The following RAB35 variants were observed in gnomAD, a reference collection of about 807,000 sequenced individuals.
RAB35 encodes ras-related protein Rab-35.
In RAB35, 4 loss-of-function variants were observed where a neutral mutation model predicts 28.9. The ratio of observed to expected loss-of-function variants is 0.14; its 90% CI spans 0.07 to 0.32. The LOEUF is 0.32. Among genes scored for constraint, RAB35 ranks in the 10% least tolerant of loss-of-function variants. The pLI, the probability that RAB35 is intolerant of heterozygous loss-of-function variation, is 1.00. For synonymous variants in RAB35, 99 were observed against 105.1 expected (o/e 0.94, Z 0.35); for missense variants, 128 against 274.0 (o/e 0.47, Z 3.76).
rs566783816 is a variant in RAB35, at chr12:120,116,663, C to T, written c.-13G>A. Reference sequence around the variant, plus strand: ...AGTCCCGGGCCATGGCGGGCGGGGGCGGTGCGCGCGGGCGGGCGGGGTCGG... The same window carrying T: ...AGTCCCGGGCCATGGCGGGCGGGGGTGGTGCGCGCGGGCGGGCGGGGTCGG... On this transcript the variant is annotated 5_prime_UTR_variant, in exon 1 of 6. Transcript: ENST00000229340. The T allele has an allele frequency of 1.2e-3, 1,466 of 1,222,770 alleles. 19 individuals are homozygous for T. The African/African-American group carries it at 0.021, about 18-fold the overall frequency. The allele number at this position is 1,222,770 out of a possible 1,614,324, so 75.7% of individuals were successfully genotyped here.
In RAB35 at chr12:120,096,896, A is replaced by C; in HGVS notation, c.*349T>G. ...GGAGGGTCTGTTGCAGCAGGCTGGC[A>C]TCAAGAAGGCAAAAGCCAGAGCAGG... is the stretch of plus-strand genomic sequence containing the variant. On this transcript the variant is annotated 3_prime_UTR_variant, in exon 6 of 6. Transcript: ENST00000229340. 1.5e-6 allele frequency: 2 copies of C among 1,317,600 alleles called. No homozygotes were observed. Among genetic ancestry groups the C allele is most frequent in the South Asian group, 1.2e-5 (1 of 81,290 alleles). The allele number at this position is 1,317,600 out of a possible 1,614,324, so 81.6% of individuals were successfully genotyped here.
rs1054123162 is a variant in RAB35, at chr12:120,101,975, G to A, written c.227+1851C>T. Reference sequence around the variant, plus strand: ...AGCCTCGGACCCCCCAGGCCCCACTGCCCTGCCCAGGAGTTCATTCCTCAT... The same window carrying A: ...AGCCTCGGACCCCCCAGGCCCCACTACCCTGCCCAGGAGTTCATTCCTCAT... On this transcript the variant is annotated intron_variant, in intron 3 of 5. Transcript: ENST00000229340. 2.0e-5 allele frequency among the ~76,000 whole-genome samples: 3 copies of A among 152,340 alleles called. No homozygotes were observed. The East Asian group carries it at 5.8e-4, about 29-fold the overall frequency.
At position 120,098,883 on chromosome 12, in the gene RAB35, G is replaced by C; in HGVS notation, c.405C>G (p.Ala135=). 1.2e-6 allele frequency: 2 copies of C among 1,614,206 alleles called. No individual in the cohort carries two copies. Among genetic ancestry groups the C allele is most frequent in the Non-Finnish European group, 1.7e-6 (2 of 1,180,040 alleles). ...PERKVVETED[A]YKFAGQMGIQ... ...TGCCCATCTGCCCGGCGAATTTGTA[G>C]GCATCTTCCGTCTCCACCACCTTCC... The change falls in exon 5 of 6, where the codon GCC becomes GCG. Residue 135 remains alanine, a synonymous_variant. Coordinates refer to ENST00000229340, the MANE Select transcript of RAB35 (RefSeq NM_006861.7).
At chr12:120,114,381 C>A (rs1876245167) in intron 1 of RAB35, among the ~76,000 whole-genome samples, 1 of 152,258 alleles carries the variant, frequency 6.6e-6, no homozygotes, top group Non-Finnish European at 1.5e-5. Flanking sequence ...GCGTGAGCCA[C>A]CGCGCCCGGC....
intron 2 of RAB35, among the ~76,000 whole-genome samples, chr12:120,104,784 C>G (rs573326600): frequency 6.6e-6 from 1 of 152,250 alleles, no homozygotes; most frequent in East Asian, 1.9e-4. Flanking sequence ...CAGGCATGCG[C>G]CACCACGCCC....
Position 120,095,441 on chromosome 12 carries a change from G to T in RAB35, c.*1804C>A. On this transcript the variant is annotated 3_prime_UTR_variant, in exon 6 of 6. Transcript: ENST00000229340. ...TGAATTTGCAAGCACACCCTCGCTG[G>T]CCTCGCCTGATCGCTCAGAGGCCAG... 1 of 152,440 alleles carries T rather than the reference G, an allele frequency of 6.6e-6. No individual in the cohort carries two copies. The highest frequency in any genetic ancestry group is 1.5e-5 in the Non-Finnish European group (1 of 67,990). 9.4% of individuals were successfully genotyped at this position (152,440 alleles called of 1,614,324 possible). A position where few individuals can be genotyped will look rare whatever the true frequency, so the allele number is the denominator to read the frequency against.
chr12:120,107,277 G>A (rs565042869), intron 2 of RAB35, among the ~76,000 whole-genome samples: 38 of 152,224 alleles, frequency 2.5e-4, no homozygotes, highest in Admixed American at 9.2e-4. Context: ...GTGAGCCACC[G>A]CACCCGGCTG....
At position 120,096,818 on chromosome 12, in the gene RAB35, C is replaced by G. The variant is rs767949339; in HGVS notation, c.*427G>C. ...GGCCGCAGACGCAGCTAGAACGTGC[C>G]GCTGTCTCCTCAGGACGCTGCTTGC... is the stretch of plus-strand genomic sequence containing the variant. On this transcript the variant is annotated 3_prime_UTR_variant, in exon 6 of 6. Coordinates refer to ENST00000229340, the MANE Select transcript of RAB35 (RefSeq NM_006861.7). The G allele has an allele frequency of 7.7e-7, 1 of 1,292,910 alleles. No individual in the cohort carries two copies. Among genetic ancestry groups the G allele is most frequent in the Admixed American group, 2.3e-5 (1 of 43,632 alleles). 80.1% of individuals were successfully genotyped at this position (1,292,910 alleles called of 1,614,324 possible). A position where few individuals can be genotyped will look rare whatever the true frequency, so the allele number is the denominator to read the frequency against.
chr12:120,101,692 G>C (rs961746173), intron 3 of RAB35, among the ~76,000 whole-genome samples: 7 of 152,228 alleles, frequency 4.6e-5, no homozygotes, highest in Non-Finnish European at 1.0e-4. Context: ...ATGAGGGCCA[G>C]AGCGGGACTC....
chr12:120,116,456 G>C (rs1876342008), intron 1 of RAB35, 143 bp downstream of exon 1: 1 of 493,036 alleles, frequency 2.0e-6, no homozygotes, highest in Admixed American at 6.5e-5. Flanking sequence ...GCCCCTCGGC[G>C]CACCCCTGGG....
intron 1 of RAB35, among the ~76,000 whole-genome samples, chr12:120,109,939 G>A (rs1030596101): frequency 2.6e-5 from 4 of 152,138 alleles, no homozygotes; most frequent in Non-Finnish European, 4.4e-5. Context: ...CACATGCATC[G>A]GGCTGTGTGT....
intron 1 of RAB35, among the ~76,000 whole-genome samples, chr12:120,114,692 T>C (rs528210685): frequency 6.0e-4 from 92 of 152,324 alleles, no homozygotes; most frequent in African/African-American, 2.1e-3. Flanking sequence ...CTCGACCCAA[T>C]GAGTCTTCTC....
At chr12:120,106,423 G>A (rs894524386) in intron 2 of RAB35, among the ~76,000 whole-genome samples, 2 of 152,024 alleles carry the variant, frequency 1.3e-5, no homozygotes, top group African/African-American at 4.8e-5. Flanking sequence ...CTTTACACAT[G>A]AACTGAGGCT....
At chr12:120,098,997 C>A (rs749100083) in intron 4 of RAB35, 33 bp downstream of exon 4, 1 of 1,614,084 alleles carries the variant, frequency 6.2e-7, no homozygotes. Flanking sequence ...TCTCTCCCAC[C>A]CAACCCCGAC....
chr12:120,099,359 C>G, intron 3 of RAB35: 1 of 660,302 alleles, frequency 1.5e-6, no homozygotes, highest in East Asian at 2.8e-5. Context: ...TCCCCCTGCC[C>G]GCCCGGGGCA....
chr12:120,106,591 C>CTTTTT (rs10709764), intron 2 of RAB35, among the ~76,000 whole-genome samples: 5 of 102,720 alleles, frequency 4.9e-5, no homozygotes, highest in East Asian at 3.2e-4. Context: ...CTTTCTTTTT[C>CTTTTT]TTTTTTTTTT....
In RAB35 at chr12:120,103,207, CGCTCCGAAGGACACT is replaced by C. The variant is rs1875728118; in HGVS notation, c.227+604_227+618del. 6.6e-6 allele frequency among the ~76,000 whole-genome samples: 1 copy of C among 152,196 alleles called. No homozygotes were observed. ...CACTAACAACCCAATAACCAGGAGC[CGCTCCGAAGGACACT>C]GCCCATCTGCGCAGGAGCCCAGCTT... On this transcript the variant is annotated intron_variant, in intron 3 of 5. Coordinates refer to ENST00000229340, the MANE Select transcript of RAB35 (RefSeq NM_006861.7). This position sits in a 1 kb window ranked among gnomAD's most constrained non-coding sequence, Gnocchi z 6.1.
chr12:120,096,802 C>T lies in RAB35; in HGVS notation c.*443G>A, dbSNP rs574483515. ...TCCACTGGCACGGGCTGGCCGCAGA[C>T]GCAGCTAGAACGTGCCGCTGTCTCC... On this transcript the variant is annotated 3_prime_UTR_variant, in exon 6 of 6. Coordinates refer to ENST00000229340, the MANE Select transcript of RAB35 (RefSeq NM_006861.7). 6.2e-5 allele frequency: 80 copies of T among 1,291,528 alleles called. No individual in the cohort carries two copies. In the South Asian group the frequency reaches 7.9e-4, roughly 13 times the overall value. The allele number at this position is 1,291,528 out of a possible 1,614,324, so 80.0% of individuals were successfully genotyped here. A position where few individuals can be genotyped will look rare whatever the true frequency, so the allele number is the denominator to read the frequency against.
chr12:120,116,320 C>G (rs908010620), intron 1 of RAB35, among the ~76,000 whole-genome samples: 8 of 152,172 alleles, frequency 5.3e-5, no homozygotes, highest in African/African-American at 1.9e-4. Flanking sequence ...ACCCACGTCT[C>G]TCCAACTCCA....
Sources: gnomAD v4.1 joint callset for allele counts (sites outside exome capture counted in the v4.1 genomes callset) on GRCh38, gnomAD v4.1.1 for gene constraint, Gnocchi (gnomAD v3.1) non-coding constraint, MANE v1.5 for transcripts, NCBI Gene and HGNC (gene_info 2026-07-23, HGNC 2026-07-21) for gene names.